SGCZ: variants seen among roughly 807,000 people sequenced by gnomAD.
SGCZ encodes the protein sarcoglycan zeta.
SGCZ carries 40 observed loss-of-function variants against 41.3 expected under a neutral mutation model. That is an observed-to-expected ratio of 0.97 (90% CI 0.75 to 1.26). The LOEUF (loss-of-function observed/expected upper bound fraction) is 1.26, where lower values mean the gene tolerates loss of function less well. Ranked by LOEUF, SGCZ falls within the 50% of genes most tolerant of loss-of-function variation. SGCZ has a pLI of 0.00. For missense variants in SGCZ, 552 were observed against 369.8 expected (o/e 1.49, Z -4.04); for synonymous variants, 206 against 137.5 (o/e 1.50, Z -3.49).
At chr8:14,919,069 G>A (rs1254344112) in intron 1 of SGCZ, among the ~76,000 whole-genome samples, 1 of 152,070 alleles carries the variant, frequency 6.6e-6, no homozygotes, top group Non-Finnish European at 1.5e-5. Flanking sequence ...CTTTTAAGAT[G>A]CGTTGATTCA....
At chr8:14,361,724 T>C (rs554819037) in intron 2 of SGCZ, among the ~76,000 whole-genome samples, 6 of 152,324 alleles carry the variant, frequency 3.9e-5, no homozygotes, top group Middle Eastern at 3.4e-3. Context: ...GTTCCATTGC[T>C]GGTGAGGAGT....
chr8:15,141,524 T>C (rs1808320347), intron 1 of SGCZ, among the ~76,000 whole-genome samples: 1 of 152,198 alleles, frequency 6.6e-6, no homozygotes, highest in Non-Finnish European at 1.5e-5. Context: ...CTCTCAATGA[T>C]GATAAATGAA....
intron 1 of SGCZ, among the ~76,000 whole-genome samples, chr8:15,180,684 G>C (rs1419722531): frequency 6.6e-6 from 1 of 151,956 alleles, no homozygotes; most frequent in Non-Finnish European, 1.5e-5. Context: ...AAGAGTTCAA[G>C]ACCATCCTGG....
chr8:15,190,864 C>T (rs895468751), intron 1 of SGCZ, among the ~76,000 whole-genome samples: 1 of 151,888 alleles, frequency 6.6e-6, no homozygotes, highest in African/African-American at 2.4e-5. Context: ...TACTCCTTCC[C>T]TAATTCAATC....
chr8:14,634,164 G>T (rs972972317), intron 1 of SGCZ, among the ~76,000 whole-genome samples: 1 of 151,782 alleles, frequency 6.6e-6, no homozygotes, highest in African/African-American at 2.4e-5. Flanking sequence ...CTTTGAATAA[G>T]ATTTTATTCT....
chr8:14,411,481 A>G (rs1200271171), intron 2 of SGCZ, among the ~76,000 whole-genome samples: 4 of 152,116 alleles, frequency 2.6e-5, no homozygotes, highest in African/African-American at 9.7e-5. Context: ...TTATAATGAC[A>G]TTACCGAGGG....
chr8:14,701,678 T>C (rs1457687066), intron 1 of SGCZ, among the ~76,000 whole-genome samples: 1 of 151,914 alleles, frequency 6.6e-6, no homozygotes, highest in East Asian at 1.9e-4. Context: ...CAATGTCTTG[T>C]TCTGTGTCCC....
At chr8:14,449,704 A>C (rs538206172) in intron 2 of SGCZ, among the ~76,000 whole-genome samples, 15 of 152,260 alleles carry the variant, frequency 9.9e-5, no homozygotes, top group African/African-American at 3.6e-4. Flanking sequence ...TCATGCATTA[A>C]AGTAAATTTT....
At chr8:14,470,688 G>C (rs1172617714) in intron 2 of SGCZ, among the ~76,000 whole-genome samples, 1 of 152,100 alleles carries the variant, frequency 6.6e-6, no homozygotes, top group African/African-American at 2.4e-5. Flanking sequence ...ATTAAACTAA[G>C]AACCTTTCTG....
At chr8:14,945,084 A>G (rs1800397375) in intron 1 of SGCZ, among the ~76,000 whole-genome samples, 2 of 146,132 alleles carry the variant, frequency 1.4e-5, no homozygotes, top group Admixed American at 1.4e-4. Flanking sequence ...TTCAAGTACA[A>G]CATGCACAAG....
intron 1 of SGCZ, among the ~76,000 whole-genome samples, chr8:14,809,326 A>G (rs1454835349): frequency 6.6e-6 from 1 of 152,208 alleles, no homozygotes; most frequent in Non-Finnish European, 1.5e-5. Context: ...AATATAAGAT[A>G]TGCCAGGATC....
intron 1 of SGCZ, among the ~76,000 whole-genome samples, chr8:14,955,838 AC>A: frequency 6.6e-6 from 1 of 152,238 alleles, no homozygotes; most frequent in South Asian, 2.1e-4. Flanking sequence ...GCCCACTTCT[AC>A]TTTATGAGTT....
intron 2 of SGCZ, among the ~76,000 whole-genome samples, chr8:14,547,102 G>A (rs551069556): frequency 1.3e-5 from 2 of 151,968 alleles, no homozygotes; most frequent in Admixed American, 6.6e-5. Context: ...TAGCCTGAAC[G>A]TTATAATTCA....
chr8:14,178,409 A>C (rs775154832), intron 4 of SGCZ, among the ~76,000 whole-genome samples: 3 of 152,252 alleles, frequency 2.0e-5, no homozygotes, highest in Non-Finnish European at 4.4e-5. Context: ...CCGTCATTAG[A>C]TTACCTATTG....
chr8:15,093,779 G>A lies in SGCZ; in HGVS notation c.39+143806C>T, dbSNP rs575383025. Among the ~76,000 whole-genome samples, 36 of 152,270 alleles carry A rather than the reference G, an allele frequency of 2.4e-4. 1 individual carries two copies. Among genetic ancestry groups the A allele is most frequent in the Admixed American group, 2.1e-3 (32 of 15,292 alleles). On this transcript the variant is annotated intron_variant, in intron 1 of 7. Coordinates refer to ENST00000382080, the MANE Select transcript of SGCZ (RefSeq NM_139167.4). ...TCAGCACAATTTAAGTTACAAAATT[G>A]ACACAAGAAGTTCCAGCAACCCACA...
At chr8:14,169,940 T>C (rs888437482) in intron 4 of SGCZ, among the ~76,000 whole-genome samples, 4 of 152,118 alleles carry the variant, frequency 2.6e-5, no homozygotes, top group South Asian at 2.1e-4. Flanking sequence ...CTTGGAGAAA[T>C]TGCTGAAACA....
At chr8:15,163,732 T>G (rs1345143429) in intron 1 of SGCZ, among the ~76,000 whole-genome samples, 1 of 152,232 alleles carries the variant, frequency 6.6e-6, no homozygotes, top group Non-Finnish European at 1.5e-5. Flanking sequence ...TCTTAAATAT[T>G]TCTTTATTAT....
At chr8:15,019,357 G>T (rs923102977) in intron 1 of SGCZ, among the ~76,000 whole-genome samples, 19 of 152,180 alleles carry the variant, frequency 1.2e-4, no homozygotes, top group African/African-American at 3.4e-4. Context: ...GGCAACCGTG[G>T]ATCTGTGGCG....
chr8:14,131,814 C>A (rs1348515486), intron 5 of SGCZ, among the ~76,000 whole-genome samples: 1 of 152,126 alleles, frequency 6.6e-6, no homozygotes. Flanking sequence ...TGTTTACATA[C>A]ACAAATATTT....
Sources: allele counts gnomAD v4.1 joint callset (sites outside exome capture counted in the v4.1 genomes callset), GRCh38; gene constraint gnomAD v4.1.1; transcripts MANE v1.5; gene names NCBI Gene and HGNC (gene_info 2026-07-23, HGNC 2026-07-21).